CCSER1: variants seen among roughly 807,000 people sequenced by gnomAD.
The protein encoded by CCSER1 is coiled-coil serine rich protein 1.
In CCSER1, 41 loss-of-function variants were observed where a neutral mutation model predicts 82.0. That is an observed-to-expected ratio of 0.50 (90% CI 0.39 to 0.65). CCSER1 has a LOEUF of 0.65. CCSER1 is among the 30% of genes least tolerant of loss of function. The pLI, the probability that CCSER1 is intolerant of heterozygous loss-of-function variation, is 0.00. For synonymous variants in CCSER1, 414 were observed against 383.9 expected (o/e 1.08, Z -0.92); for missense variants, 1,119 against 1,064.2 (o/e 1.05, Z -0.72).
chr4:90,379,557 G>C (rs1748889280), intron 3 of CCSER1, among the ~76,000 whole-genome samples: 1 of 152,068 alleles, frequency 6.6e-6, no homozygotes, highest in Non-Finnish European at 1.5e-5. Flanking sequence ...AGAATATTTT[G>C]ATTATAGGGG....
chr4:90,485,208 G>A (rs1302587177), intron 5 of CCSER1, among the ~76,000 whole-genome samples: 1 of 152,214 alleles, frequency 6.6e-6, no homozygotes, highest in Non-Finnish European at 1.5e-5. Context: ...TGTGCCCTTT[G>A]TTAAGCCCGT....
intron 9 of CCSER1, among the ~76,000 whole-genome samples, chr4:91,082,841 C>A (rs1442476403): frequency 6.6e-6 from 1 of 152,168 alleles, no homozygotes; most frequent in African/African-American, 2.4e-5. Context: ...CAGAGAAATG[C>A]AAATCAAAAC....
At chr4:90,913,818 CAA>C (rs60106960) in intron 8 of CCSER1, among the ~76,000 whole-genome samples, 1 of 150,330 alleles carries the variant, frequency 6.7e-6, no homozygotes. Context: ...AAATGGAAAA[CAA>C]AAAAAAAGGC....
chr4:90,190,970 A>G (rs188413297), intron 1 of CCSER1, among the ~76,000 whole-genome samples: 244 of 152,208 alleles, frequency 1.6e-3, no homozygotes, highest in African/African-American at 5.8e-3. Context: ...AAGAGCTTCA[A>G]AGTTTATGCT....
intron 9 of CCSER1, among the ~76,000 whole-genome samples, chr4:91,009,982 T>C (rs1738871777): frequency 6.6e-6 from 1 of 152,204 alleles, no homozygotes; most frequent in African/African-American, 2.4e-5. Context: ...TATTTACCTT[T>C]ACCTGAGAAT....
intron 2 of CCSER1, among the ~76,000 whole-genome samples, chr4:90,309,823 A>G (rs1359632928): frequency 6.6e-6 from 1 of 152,026 alleles, no homozygotes; most frequent in Non-Finnish European, 1.5e-5. Context: ...CAGCAATATT[A>G]CTCATTTTTT....
chr4:91,167,656 T>C (rs1417662534), intron 10 of CCSER1, among the ~76,000 whole-genome samples: 1 of 152,240 alleles, frequency 6.6e-6, no homozygotes, highest in Non-Finnish European at 1.5e-5. Context: ...GTTTGCTTAA[T>C]GTTTATAGGT....
Position 91,445,340 on chromosome 4 carries a change from G to A in CCSER1, c.2218-153232G>A, listed in dbSNP as rs376024053. On this transcript the variant is annotated intron_variant, in intron 10 of 10. Transcript: ENST00000509176. ...GTATTTTGCAACAGTTTTTGTATTGGGAGATAAAAAGAGAGATATTTGGCC... is the reference window on the plus strand; with the variant it reads ...GTATTTTGCAACAGTTTTTGTATTGAGAGATAAAAAGAGAGATATTTGGCC... Among the ~76,000 whole-genome samples, 11 of 150,836 alleles carry A rather than the reference G, an allele frequency of 7.3e-5. 1 individual carries two copies. In the South Asian group the frequency reaches 8.3e-4, roughly 11 times the overall value.
chr4:90,146,868 C>T (rs1284017541), intron 1 of CCSER1, among the ~76,000 whole-genome samples: 3 of 152,016 alleles, frequency 2.0e-5, no homozygotes, highest in African/African-American at 7.2e-5. Flanking sequence ...TCTGTAACCA[C>T]ATGAATTATT....
intron 10 of CCSER1, among the ~76,000 whole-genome samples, chr4:91,495,616 C>T (rs1428911998): frequency 6.6e-6 from 1 of 151,282 alleles, no homozygotes; most frequent in East Asian, 1.9e-4. Flanking sequence ...ATGAGTCATT[C>T]CTTCAGTTAT....
chr4:91,171,033 G>A (rs1218338736), intron 10 of CCSER1, among the ~76,000 whole-genome samples: 1 of 152,146 alleles, frequency 6.6e-6, no homozygotes, highest in Non-Finnish European at 1.5e-5. Flanking sequence ...TGCACATGTT[G>A]TAGTCTTTGC....
intron 10 of CCSER1, among the ~76,000 whole-genome samples, chr4:91,559,484 C>T (rs952620809): frequency 6.6e-6 from 1 of 151,532 alleles, no homozygotes; most frequent in African/African-American, 2.4e-5. Context: ...GCTCTCCTAG[C>T]ACTGGGCTTG....
intron 1 of CCSER1, among the ~76,000 whole-genome samples, chr4:90,167,166 G>A (rs1730620060): frequency 6.6e-6 from 1 of 151,992 alleles, no homozygotes; most frequent in Non-Finnish European, 1.5e-5. Flanking sequence ...AACTCAAGAA[G>A]TTACAAAGGT....
chr4:90,751,017 T>A (rs1748557147), intron 7 of CCSER1, among the ~76,000 whole-genome samples: 1 of 152,156 alleles, frequency 6.6e-6, no homozygotes, highest in African/African-American at 2.4e-5. Flanking sequence ...TAACTTTTTT[T>A]AACTCTGCTT....
At chr4:90,570,610 G>A (rs1013310088) in intron 5 of CCSER1, among the ~76,000 whole-genome samples, 3 of 152,074 alleles carry the variant, frequency 2.0e-5, no homozygotes, top group African/African-American at 4.8e-5. Context: ...GGTGAATGCA[G>A]CCTACTAAAA....
chr4:90,319,823 GT>G (rs1736814130), intron 3 of CCSER1, among the ~76,000 whole-genome samples: 1 of 152,126 alleles, frequency 6.6e-6, no homozygotes, highest in African/African-American at 2.4e-5. Flanking sequence ...ATATTGCTTG[GT>G]TACAGGGACA....
chr4:91,043,719 TAA>T (rs1218565572), intron 9 of CCSER1, among the ~76,000 whole-genome samples: 2 of 151,062 alleles, frequency 1.3e-5, no homozygotes. Flanking sequence ...GCCTCCCGAG[TAA>T]CTGGGATCAC....
At chr4:90,641,336 G>A (rs182578626) in intron 6 of CCSER1, among the ~76,000 whole-genome samples, 7 of 152,174 alleles carry the variant, frequency 4.6e-5, no homozygotes, top group African/African-American at 1.2e-4. Flanking sequence ...GTAAGAAGAT[G>A]CTAAACACCG....
At chr4:90,941,789 G>A (rs2870278) in intron 9 of CCSER1, among the ~76,000 whole-genome samples, 116,266 of 152,018 alleles carry the variant, frequency 0.76, 44,986 homozygotes, top group African/African-American at 0.86. Context: ...AAACACATCA[G>A]TTTCATTTGC....
Sources: allele counts gnomAD v4.1 joint callset (sites outside exome capture counted in the v4.1 genomes callset), GRCh38; gene constraint gnomAD v4.1.1; transcripts MANE v1.5; gene names NCBI Gene and HGNC (gene_info 2026-07-23, HGNC 2026-07-21).